Variants in PBX1 observed in about 807,000 individuals in gnomAD.
The protein encoded by PBX1 is PBX homeobox 1, also known as pre-B-cell leukemia transcription factor 1.
A neutral mutation model predicts 53.4 loss-of-function variants in PBX1; 6 were observed. The observed-to-expected ratio is 0.11, with a 90% CI of 0.06 to 0.22. The LOEUF (loss-of-function observed/expected upper bound fraction) is 0.22, where lower values mean the gene tolerates loss of function less well. Ranked by LOEUF, PBX1 falls within the 10% of genes least tolerant of loss-of-function variation. The pLI is 1.00. For synonymous variants in PBX1, 204 were observed against 212.3 expected (o/e 0.96, Z 0.34); for missense variants, 251 against 551.4 (o/e 0.46, Z 5.46).
chr1:164,674,012 G>A (rs77397845), intron 2 of PBX1, among the ~76,000 whole-genome samples: 3,230 of 152,286 alleles, frequency 0.021, 132 homozygotes, highest in African/African-American at 0.074. Context: ...AAATGACTAT[G>A]AGCTGAAAAC....
At chr1:164,834,657 C>T (rs1251114355) in intron 8 of PBX1, among the ~76,000 whole-genome samples, 1 of 152,064 alleles carries the variant, frequency 6.6e-6, no homozygotes, top group Non-Finnish European at 1.5e-5. Flanking sequence ...CCCTATTTTT[C>T]ATGGAAAGGA....
intron 2 of PBX1, among the ~76,000 whole-genome samples, chr1:164,875,988 G>GTGTATATATATATATA (rs776802784): frequency 7.0e-5 from 4 of 56,934 alleles, no homozygotes; most frequent in South Asian, 8.7e-4. Context: ...TGGTGTATGT[G>GTGTATATATATATATA]TATATATATA....
At chr1:164,864,090 T>C (rs1672160926) in intron 2 of PBX1, among the ~76,000 whole-genome samples, 1 of 152,208 alleles carries the variant, frequency 6.6e-6, no homozygotes, top group Non-Finnish European at 1.5e-5. Context: ...TATCAAGTTA[T>C]GTTTAATTGC....
At chr1:164,679,569 T>G (rs1171504512) in intron 2 of PBX1, among the ~76,000 whole-genome samples, 5 of 152,140 alleles carry the variant, frequency 3.3e-5, no homozygotes, top group African/African-American at 4.8e-5. Flanking sequence ...CAATCTGAGA[T>G]CATCAGATTG....
chr1:164,871,495 C>G (rs1672382253), intron 2 of PBX1, among the ~76,000 whole-genome samples: 1 of 152,230 alleles, frequency 6.6e-6, no homozygotes, highest in African/African-American at 2.4e-5. Flanking sequence ...TTTTCCTGAA[C>G]CGATCAAAAT....
intron 2 of PBX1, among the ~76,000 whole-genome samples, chr1:164,574,474 G>A (rs982181257): frequency 6.6e-6 from 1 of 152,138 alleles, no homozygotes; most frequent in African/African-American, 2.4e-5. Flanking sequence ...CATGATCCCT[G>A]CCAAAGCTTA....
At chr1:164,797,118 G>A (rs544387733) in intron 3 of PBX1, among the ~76,000 whole-genome samples, 1 of 152,284 alleles carries the variant, frequency 6.6e-6, no homozygotes, top group African/African-American at 2.4e-5. Flanking sequence ...TGGGTGAAAC[G>A]ACCCCACTGT....
chr1:164,628,533 C>T (rs965186013), intron 2 of PBX1, among the ~76,000 whole-genome samples: 14 of 152,182 alleles, frequency 9.2e-5, no homozygotes, highest in Non-Finnish European at 1.5e-5. Context: ...GGTTCCTTCT[C>T]ATTGCAGCTG....
intron 2 of PBX1, among the ~76,000 whole-genome samples, chr1:164,655,098 G>GTTTT (rs1385024281): frequency 1.5e-3 from 59 of 38,312 alleles, no homozygotes; most frequent in African/African-American, 4.7e-3. Flanking sequence ...TCTCTGATGT[G>GTTTT]TGTTTTTTTT....
At chr1:164,660,458 C>G (rs954011539) in intron 2 of PBX1, among the ~76,000 whole-genome samples, 1 of 152,310 alleles carries the variant, frequency 6.6e-6, no homozygotes, top group Non-Finnish European at 1.5e-5. Flanking sequence ...ATCAAGGACA[C>G]TTTACAGACC....
At chr1:164,596,100 CTT>C (rs5778399) in intron 2 of PBX1, among the ~76,000 whole-genome samples, 205 of 144,908 alleles carry the variant, frequency 1.4e-3, no homozygotes, top group Non-Finnish European at 1.8e-3. Flanking sequence ...CAGGTCCCCT[CTT>C]TTTTTTTTTT....
Position 164,848,957 on chromosome 1 carries a change from A to G in PBX1, c.*2281A>G, listed in dbSNP as rs1454563987. On this transcript the variant is annotated 3_prime_UTR_variant, in exon 9 of 9. Transcript: ENST00000420696. ...CCTTGATGACTAAAAGGCACTAGAA[A>G]GGTTGTGTCTACTAACTTCAGCCCT... 11 of 1,083,736 alleles carry G rather than the reference A, an allele frequency of 1.0e-5. No individual in the cohort carries two copies. The African/African-American group carries it at 1.1e-4, about 11-fold the overall frequency. The allele number at this position is 1,083,736 out of a possible 1,614,324, so 67.1% of individuals were successfully genotyped here.
intron 2 of PBX1, among the ~76,000 whole-genome samples, chr1:164,759,606 G>A (rs1666706111): frequency 2.0e-5 from 3 of 152,092 alleles, no homozygotes; most frequent in Admixed American, 2.0e-4. Flanking sequence ...GCCTAGAGGG[G>A]GAAAGAAAGT....
intron 2 of PBX1, among the ~76,000 whole-genome samples, chr1:164,708,065 G>T (rs1663546327): frequency 1.3e-5 from 2 of 152,186 alleles, no homozygotes; most frequent in African/African-American, 4.8e-5. Flanking sequence ...CCATCTGGTA[G>T]GCCATGCTGT....
intron 2 of PBX1, among the ~76,000 whole-genome samples, chr1:164,690,726 A>G (rs1480618845): frequency 4.6e-5 from 7 of 152,034 alleles, no homozygotes; most frequent in Non-Finnish European, 1.0e-4. Context: ...TTCATATCAC[A>G]CCAATATTCA....
At chr1:164,822,057 A>G (rs1017672473) in intron 8 of PBX1, among the ~76,000 whole-genome samples, 3 of 152,072 alleles carry the variant, frequency 2.0e-5, no homozygotes, top group African/African-American at 7.2e-5. Flanking sequence ...CTGTCTATGG[A>G]CGATTAAAAA....
chr1:164,658,752 TAAC>T (rs573379589), intron 2 of PBX1, among the ~76,000 whole-genome samples: 1 of 152,228 alleles, frequency 6.6e-6, no homozygotes, highest in Non-Finnish European at 1.5e-5. Context: ...CTTATAATAA[TAAC>T]AGCCAATATT....
At chr1:164,689,220 G>A (rs1662310962) in intron 2 of PBX1, among the ~76,000 whole-genome samples, 1 of 152,230 alleles carries the variant, frequency 6.6e-6, no homozygotes, top group Non-Finnish European at 1.5e-5. Context: ...AAACATGTTG[G>A]TGGAAGAAGC....
At chr1:164,870,243 T>TTCCTTCCC in intron 2 of PBX1, among the ~76,000 whole-genome samples, 1 of 57,022 alleles carries the variant, frequency 1.8e-5, no homozygotes, top group Non-Finnish European at 3.5e-5. Context: ...CCTTCCTTCC[T>TTCCTTCCC]TCCTTCCTTC....
Sources: allele counts gnomAD v4.1 joint callset (sites outside exome capture counted in the v4.1 genomes callset), GRCh38; gene constraint gnomAD v4.1.1; transcripts MANE v1.5; gene names NCBI Gene and HGNC (gene_info 2026-07-23, HGNC 2026-07-21).